CADM1: variants seen among roughly 807,000 people sequenced by gnomAD.
The protein encoded by CADM1 is cell adhesion molecule 1, also known as TSLC-1.
Under a neutral mutation model 53.1 loss-of-function variants are expected in CADM1, and 15 were observed. The observed-to-expected ratio is 0.28, with a 90% CI of 0.19 to 0.44. The LOEUF (loss-of-function observed/expected upper bound fraction) is 0.44, where lower values mean the gene tolerates loss of function less well. CADM1 is among the 20% of genes least tolerant of loss of function. The pLI is 1.00. For missense variants in CADM1, 434 were observed against 611.3 expected (o/e 0.71, Z 3.06); for synonymous variants, 281 against 243.0 (o/e 1.16, Z -1.45).
intron 1 of CADM1, among the ~76,000 whole-genome samples, chr11:115,365,415 A>G (rs1400193457): frequency 6.6e-6 from 1 of 152,198 alleles, no homozygotes; most frequent in African/African-American, 2.4e-5. Context: ...GGTTCCCAAT[A>G]TCTTTAAATT....
chr11:115,287,041 C>T (rs1943746869), intron 1 of CADM1, among the ~76,000 whole-genome samples: 1 of 152,238 alleles, frequency 6.6e-6, no homozygotes. Flanking sequence ...CCGACCCCTT[C>T]TCCCAACTAT....
chr11:115,228,995 G>T, intron 5 of CADM1, 118 bp downstream of exon 5: 2 of 946,496 alleles, frequency 2.1e-6, no homozygotes, highest in Non-Finnish European at 3.3e-6. Context: ...TATTTTTCTA[G>T]CAAAAATAAG....
chr11:115,311,059 CAAAG>C (rs1944519650), intron 1 of CADM1, among the ~76,000 whole-genome samples: 1 of 152,100 alleles, frequency 6.6e-6, no homozygotes, highest in South Asian at 2.1e-4. Flanking sequence ...GATATCCCTA[CAAAG>C]AGAGAGAAAG....
At chr11:115,339,688 A>G (rs1052311068) in intron 1 of CADM1, among the ~76,000 whole-genome samples, 14 of 152,170 alleles carry the variant, frequency 9.2e-5, no homozygotes, top group African/African-American at 3.1e-4. Context: ...ATCTAATATC[A>G]AAGTATAGAA....
In CADM1 at chr11:115,176,397, C is replaced by A; in HGVS notation, c.*77G>T. 6.2e-7 allele frequency: 1 copy of A among 1,603,532 alleles called. No individual in the cohort carries two copies. Among genetic ancestry groups the A allele is most frequent in the Non-Finnish European group, 8.5e-7 (1 of 1,173,510 alleles). ...TTCATAAAAAAACACACGAATTTCT[C>A]GCAAGTTCCAATATCACTGTCTCTT... is the stretch of plus-strand genomic sequence containing the variant. On this transcript the variant is annotated 3_prime_UTR_variant, in exon 12 of 12. Transcript: ENST00000331581.
chr11:115,499,147 A>G (rs1294619387), intron 1 of CADM1, among the ~76,000 whole-genome samples: 1 of 152,222 alleles, frequency 6.6e-6, no homozygotes, highest in African/African-American at 2.4e-5. Flanking sequence ...GGTTTCATGA[A>G]AAGAGGCAAG....
In CADM1 at chr11:115,222,677, C is replaced by T. The variant is rs573684183; in HGVS notation, c.722-4686G>A. ...GATGAGTCAAATCTGGTGGGACTGA[C>T]GTAAGACCAATACCACAGTAGAATG... On this transcript the variant is annotated intron_variant, in intron 5 of 11. Coordinates refer to ENST00000331581, the MANE Select transcript of CADM1 (RefSeq NM_001301043.2). Among the ~76,000 whole-genome samples, 13 of 152,208 alleles carry T rather than the reference C, an allele frequency of 8.5e-5. No homozygotes were observed. In the South Asian group the frequency reaches 1.7e-3, roughly 19 times the overall value.
chr11:115,357,346 T>C (rs1945903368), intron 1 of CADM1, among the ~76,000 whole-genome samples: 1 of 152,230 alleles, frequency 6.6e-6, no homozygotes, highest in Non-Finnish European at 1.5e-5. Context: ...CTTTCAGCAC[T>C]GGGTTCATTC....
chr11:115,451,409 G>A (rs79050322), intron 1 of CADM1, among the ~76,000 whole-genome samples: 193 of 152,254 alleles, frequency 1.3e-3, no homozygotes, highest in South Asian at 5.8e-3. Flanking sequence ...GAAGATACCC[G>A]TTAAAGCCAC....
rs1378883500 is a variant in CADM1, at chr11:115,169,377, T to G, written c.*7097A>C. 1.2e-5 allele frequency: 4 copies of G among 345,080 alleles called. No individual in the cohort carries two copies. Among genetic ancestry groups the G allele is most frequent in the Non-Finnish European group, 2.3e-5 (4 of 174,640 alleles). The allele number at this position is 345,080 out of a possible 1,614,324, so 21.4% of individuals were successfully genotyped here. On this transcript the variant is annotated 3_prime_UTR_variant, in exon 12 of 12. Coordinates refer to ENST00000331581, the MANE Select transcript of CADM1 (RefSeq NM_001301043.2). Reference sequence around the variant, plus strand: ...TTTTCCATAAACTGTCTTAAGCATCTCCCGGGCTACATTTCTGGCTGTGTT... The same window carrying G: ...TTTTCCATAAACTGTCTTAAGCATCGCCCGGGCTACATTTCTGGCTGTGTT...
intron 1 of CADM1, among the ~76,000 whole-genome samples, chr11:115,501,211 A>G (rs1358890334): frequency 6.6e-6 from 1 of 152,204 alleles, no homozygotes; most frequent in Non-Finnish European, 1.5e-5. Flanking sequence ...GTAAATATAA[A>G]GTGGCATTAA....
intron 1 of CADM1, among the ~76,000 whole-genome samples, chr11:115,294,949 G>C (rs1184592140): frequency 1.3e-5 from 2 of 152,156 alleles, no homozygotes; most frequent in Admixed American, 1.3e-4. Flanking sequence ...TGAGGCAGGA[G>C]AATTGCTTGA....
At chr11:115,266,083 C>T (rs10891818) in intron 1 of CADM1, among the ~76,000 whole-genome samples, 79,434 of 151,976 alleles carry the variant, frequency 0.52, 24,255 homozygotes, top group East Asian at 0.87. Flanking sequence ...TGAGAACCAC[C>T]GTGGTAAGAG....
At chr11:115,361,682 T>G (rs2135095844) in intron 1 of CADM1, among the ~76,000 whole-genome samples, 1 of 152,196 alleles carries the variant, frequency 6.6e-6, no homozygotes, top group South Asian at 2.1e-4. Context: ...AATACACCCG[T>G]GCATGCCAAA....
At chr11:115,249,290 C>T (rs1942512723) in intron 1 of CADM1, among the ~76,000 whole-genome samples, 1 of 152,178 alleles carries the variant, frequency 6.6e-6, no homozygotes, top group Admixed American at 6.5e-5. Context: ...TAAGTGACTG[C>T]TTTCTAGAGT....
intron 1 of CADM1, among the ~76,000 whole-genome samples, chr11:115,459,551 GA>G (rs1565438635): frequency 6.6e-6 from 1 of 151,938 alleles, no homozygotes; most frequent in Non-Finnish European, 1.5e-5. Flanking sequence ...AGAAGAAAGT[GA>G]AAAAAAGAGA....
At chr11:115,473,278 G>A (rs543344703) in intron 1 of CADM1, among the ~76,000 whole-genome samples, 121 of 152,264 alleles carry the variant, frequency 7.9e-4, no homozygotes, top group Non-Finnish European at 1.5e-3. Flanking sequence ...GGGGAACATA[G>A]CAAGGCCCCC....
chr11:115,271,829 G>A (rs1943306877), intron 1 of CADM1, among the ~76,000 whole-genome samples: 2 of 152,158 alleles, frequency 1.3e-5, no homozygotes, highest in South Asian at 4.1e-4. Context: ...GTGCTTGTTG[G>A]ATAGGCAGCC....
chr11:115,282,250 G>T (rs1943606571), intron 1 of CADM1, among the ~76,000 whole-genome samples: 2 of 152,114 alleles, frequency 1.3e-5, no homozygotes, highest in Non-Finnish European at 2.9e-5. Flanking sequence ...TGAAGAAAAT[G>T]AGTGGTTATG....
Sources: allele counts gnomAD v4.1 joint callset (sites outside exome capture counted in the v4.1 genomes callset), GRCh38; gene constraint gnomAD v4.1.1; transcripts MANE v1.5; gene names NCBI Gene and HGNC (gene_info 2026-07-23, HGNC 2026-07-21).